ALDH2: variants seen among roughly 807,000 people sequenced by gnomAD.
ALDH2 encodes the protein aldehyde dehydrogenase 2 family member, also known as aldehyde dehydrogenase, mitochondrial.
ALDH2 carries 44 observed loss-of-function variants against 59.6 expected under a neutral mutation model. The ratio of observed to expected loss-of-function variants is 0.74; its 90% CI spans 0.58 to 0.95. The LOEUF is 0.95. Among genes scored for constraint, ALDH2 ranks in the 40% least tolerant of loss-of-function variants. The pLI is 0.00. For missense variants in ALDH2, 570 were observed against 696.3 expected, an observed-to-expected ratio of 0.82 and a Z score of 2.04; for synonymous variants, 291 against 284.0, an observed-to-expected ratio of 1.02 and a Z score of -0.25.
chr12:111,771,094 A>G (rs1248880759), intron 1 of ALDH2, among the ~76,000 whole-genome samples: 1 of 152,034 alleles, frequency 6.6e-6, no homozygotes, highest in Non-Finnish European at 1.5e-5. Flanking sequence ...CTGACAGGCA[A>G]TTAAGGATGG....
intron 7 of ALDH2, 110 bp from the exon 8 acceptor site, chr12:111,791,951 G>C: frequency 1.4e-6 from 1 of 728,030 alleles, no homozygotes; most frequent in South Asian, 1.6e-5. Context: ...TAGGTCTCTC[G>C]TGGTCCAGTT....
At chr12:111,770,802 G>A (rs1478275395) in intron 1 of ALDH2, among the ~76,000 whole-genome samples, 6 of 151,946 alleles carry the variant, frequency 3.9e-5, no homozygotes, top group Non-Finnish European at 7.4e-5. Flanking sequence ...CCACCACCAC[G>A]CCTGGCTAAT....
intron 11 of ALDH2, among the ~76,000 whole-genome samples, chr12:111,800,613 T>C (rs2068443894): frequency 6.6e-6 from 1 of 152,160 alleles, no homozygotes; most frequent in Non-Finnish European, 1.5e-5. Context: ...TTTTATTTTT[T>C]GTAGAGATGA....
At chr12:111,807,416 G>A (rs948984155) in intron 12 of ALDH2, among the ~76,000 whole-genome samples, 2 of 152,172 alleles carry the variant, frequency 1.3e-5, no homozygotes, top group African/African-American at 4.8e-5. Context: ...CACTGCCCGA[G>A]CAGAGTCCAC....
chr12:111,785,385 GA>G, intron 4 of ALDH2, 39 bp downstream of exon 4: 1 of 1,561,160 alleles, frequency 6.4e-7, no homozygotes, highest in East Asian at 2.2e-5. Flanking sequence ...TCTGGCAGGG[GA>G]AAAGGGGAGG....
At chr12:111,797,688 A>T (rs2068416559) in intron 9 of ALDH2, among the ~76,000 whole-genome samples, 1 of 152,204 alleles carries the variant, frequency 6.6e-6, no homozygotes, top group Admixed American at 6.6e-5. Context: ...AAATTCCTAG[A>T]AGTTAAATAG....
chr12:111,787,595 T>C (rs888731185), intron 4 of ALDH2, among the ~76,000 whole-genome samples: 1 of 151,770 alleles, frequency 6.6e-6, no homozygotes, highest in Non-Finnish European at 1.5e-5. Context: ...AGAGTAGAGG[T>C]TGGACAAGAA....
intron 10 of ALDH2, among the ~76,000 whole-genome samples, chr12:111,799,176 C>T (rs2068428763): frequency 7.4e-6 from 1 of 135,010 alleles, no homozygotes; most frequent in Admixed American, 7.4e-5. Context: ...TTTTTCTCTT[C>T]TCGTTTTGAG....
chr12:111,801,650 G>A (rs1309564626), intron 11 of ALDH2, among the ~76,000 whole-genome samples: 2 of 149,088 alleles, frequency 1.3e-5, no homozygotes, highest in Non-Finnish European at 3.0e-5. Context: ...AGTGAGTGGA[G>A]ATCATGCCAC....
chr12:111,799,875 C>A, intron 10 of ALDH2, 31 bp from the exon 11 acceptor site: 1 of 1,593,764 alleles, frequency 6.3e-7, no homozygotes, highest in South Asian at 1.1e-5. Context: ...TCCGTGTTGC[C>A]GAACCCTCCT....
chr12:111,779,334 C>T (rs11613713), intron 1 of ALDH2, among the ~76,000 whole-genome samples: 24,095 of 151,996 alleles, frequency 0.16, 2,006 homozygotes, highest in Middle Eastern at 0.26. Context: ...GGATTACAGG[C>T]GCATGCGACC....
At chr12:111,769,958 A>G (rs992490651) in intron 1 of ALDH2, among the ~76,000 whole-genome samples, 3 of 152,104 alleles carry the variant, frequency 2.0e-5, no homozygotes, top group Admixed American at 6.6e-5. Context: ...AGCCTGGCCA[A>G]CATAGTGAAA....
At chr12:111,782,896 A>AAAAAAAAG (rs372327619) in intron 2 of ALDH2, among the ~76,000 whole-genome samples, 2,335 of 151,452 alleles carry the variant, frequency 0.015, 72 homozygotes, top group African/African-American at 0.054. Context: ...AAAAAAAACA[A>AAAAAAAAG]AAAAAAAGAA....
intron 11 of ALDH2, among the ~76,000 whole-genome samples, chr12:111,800,368 G>A (rs995244859): frequency 4.6e-5 from 7 of 152,168 alleles, no homozygotes; most frequent in Admixed American, 4.6e-4. Flanking sequence ...TAAAAGCTTA[G>A]CCTCTGCTTC....
At position 111,802,939 on chromosome 12, in the gene ALDH2, TC is replaced by T. The variant is rs1265912573; in HGVS notation, c.1407-917del. ...CAAGCGTGGTGGCTCACACCTGTAA[TC>T]CCAGCATTTTGGGAGGCCAAGGCAG... is the stretch of plus-strand genomic sequence containing the variant. On this transcript the variant is annotated intron_variant, in intron 11 of 12. Coordinates refer to ENST00000261733, the MANE Select transcript of ALDH2 (RefSeq NM_000690.4). Among the ~76,000 whole-genome samples the T allele has an allele frequency of 2.0e-5, 3 of 149,292 alleles. No homozygotes were observed. In the East Asian group the frequency reaches 5.9e-4, roughly 29 times the overall value.
chr12:111,787,347 C>T (rs2068317984), intron 4 of ALDH2, among the ~76,000 whole-genome samples: 1 of 152,200 alleles, frequency 6.6e-6, no homozygotes, highest in African/African-American at 2.4e-5. Context: ...CTTTGAGGGC[C>T]AGTTTTTACA....
intron 7 of ALDH2, 140 bp from the exon 8 acceptor site, chr12:111,791,921 G>A (rs2068362900): frequency 1.5e-5 from 10 of 663,452 alleles, no homozygotes; most frequent in Admixed American, 5.8e-5. Context: ...AAAAGTGAAC[G>A]TCTATTTGGT....
At chr12:111,788,603 CTG>C (rs2068330656) in intron 4 of ALDH2, among the ~76,000 whole-genome samples, 1 of 152,164 alleles carries the variant, frequency 6.6e-6, no homozygotes, top group African/African-American at 2.4e-5. Flanking sequence ...GTCATGTAGA[CTG>C]TGTTTGTATA....
At chr12:111,795,115 C>T (rs1328738071) in intron 9 of ALDH2, among the ~76,000 whole-genome samples, 1 of 152,124 alleles carries the variant, frequency 6.6e-6, no homozygotes, top group African/African-American at 2.4e-5. Flanking sequence ...TCCAAGTAGC[C>T]ATGTTTTAAA....
Sources: allele counts gnomAD v4.1 joint callset (sites outside exome capture counted in the v4.1 genomes callset), GRCh38; gene constraint gnomAD v4.1.1; transcripts MANE v1.5; gene names NCBI Gene and HGNC (gene_info 2026-07-23, HGNC 2026-07-21).